Variants in ADAMTS6 observed in about 807,000 individuals in gnomAD.
The protein encoded by ADAMTS6 is A disintegrin and metalloproteinase with thrombospondin motifs 6.
A neutral mutation model predicts 144.3 loss-of-function variants in ADAMTS6; 23 were observed. That is an observed-to-expected ratio of 0.16 (90% CI 0.11 to 0.23). The LOEUF is 0.23. ADAMTS6 is among the 10% of genes least tolerant of loss of function. The pLI, the probability that ADAMTS6 is intolerant of heterozygous loss-of-function variation, is 1.00. For missense variants in ADAMTS6, 999 were observed against 1,379.6 expected (o/e 0.72, Z 4.37); for synonymous variants, 444 against 457.5 (o/e 0.97, Z 0.38).
chr5:65,285,417 T>C (rs558464738), intron 11 of ADAMTS6, among the ~76,000 whole-genome samples: 1 of 152,232 alleles, frequency 6.6e-6, no homozygotes, highest in South Asian at 2.1e-4. Context: ...ATTTATTGAG[T>C]TCCCATATGC....
chr5:65,242,144 A>G lies in ADAMTS6; in HGVS notation c.1893T>C (p.Pro631=). The G allele has an allele frequency of 6.2e-7, 1 of 1,604,422 alleles. No homozygotes were observed. Among genetic ancestry groups the G allele is most frequent in the Non-Finnish European group, 8.5e-7 (1 of 1,173,788 alleles). ...TCCAGTTATAATACTTTCCTCGGAA[A>G]GGCATATTGTCAAAGTCTGCACACT... ...EKQCADFDNM[P]FRGKYYNWKP... is the part of the protein sequence containing the mutation. The change falls in exon 15 of 25, where the codon CCT becomes CCC. Residue 631 remains proline (P), a synonymous_variant. Coordinates refer to ENST00000381055, the MANE Select transcript of ADAMTS6 (RefSeq NM_197941.4).
chr5:65,189,490 G>A (rs1268090235), intron 21 of ADAMTS6, among the ~76,000 whole-genome samples: 2 of 152,152 alleles, frequency 1.3e-5, no homozygotes, highest in African/African-American at 4.8e-5. Context: ...AGAAAGCCTG[G>A]GTGGTGTGTG....
intron 7 of ADAMTS6, among the ~76,000 whole-genome samples, chr5:65,409,428 C>A (rs1473350596): frequency 1.3e-5 from 2 of 152,240 alleles, no homozygotes; most frequent in South Asian, 2.1e-4. Flanking sequence ...GACACATACA[C>A]CCTCCCAAGA....
chr5:65,193,720 T>G (rs1755154222), intron 21 of ADAMTS6, among the ~76,000 whole-genome samples: 1 of 152,164 alleles, frequency 6.6e-6, no homozygotes. Flanking sequence ...TATAAATTAT[T>G]TTCTTCTTTA....
At chr5:65,189,007 T>C (rs1297788881) in intron 21 of ADAMTS6, among the ~76,000 whole-genome samples, 1 of 152,198 alleles carries the variant, frequency 6.6e-6, no homozygotes, top group African/African-American at 2.4e-5. Flanking sequence ...ATGGGAGTCT[T>C]AAAACACCTT....
At chr5:65,232,381 G>A (rs1365224424) in intron 15 of ADAMTS6, among the ~76,000 whole-genome samples, 2 of 151,812 alleles carry the variant, frequency 1.3e-5, no homozygotes, top group Admixed American at 6.6e-5. Flanking sequence ...GAAATAGATA[G>A]AGAAAATAAA....
intron 20 of ADAMTS6, among the ~76,000 whole-genome samples, chr5:65,198,335 T>C (rs906242528): frequency 3.6e-4 from 54 of 152,004 alleles, no homozygotes; most frequent in Non-Finnish European, 1.8e-4. Flanking sequence ...CTTTTTTTTT[T>C]CCCAGTTGTT....
chr5:65,449,401 G>A (rs752977236), intron 7 of ADAMTS6, among the ~76,000 whole-genome samples: 1 of 152,146 alleles, frequency 6.6e-6, no homozygotes, highest in Non-Finnish European at 1.5e-5. Flanking sequence ...CGGATCACGA[G>A]GTCAGGAGAT....
intron 7 of ADAMTS6, among the ~76,000 whole-genome samples, chr5:65,397,949 G>A (rs1045259690): frequency 2.0e-5 from 3 of 150,556 alleles, no homozygotes; most frequent in Non-Finnish European, 4.4e-5. Context: ...TTATCTTGCT[G>A]TGATTGATTT....
intron 14 of ADAMTS6, among the ~76,000 whole-genome samples, chr5:65,253,192 A>T (rs1307838717): frequency 6.6e-6 from 1 of 152,148 alleles, no homozygotes; most frequent in Non-Finnish European, 1.5e-5. Flanking sequence ...GTACCCAGCC[A>T]ATTTTCTATT....
chr5:65,289,866 C>T (rs1336478880), intron 11 of ADAMTS6, among the ~76,000 whole-genome samples: 1 of 152,068 alleles, frequency 6.6e-6, no homozygotes, highest in African/African-American at 2.4e-5. Context: ...TTTCTAAGTT[C>T]ATTTGATCAT....
intron 24 of ADAMTS6, among the ~76,000 whole-genome samples, chr5:65,159,066 G>T (rs1228724248): frequency 6.6e-6 from 1 of 152,096 alleles, no homozygotes; most frequent in African/African-American, 2.4e-5. Context: ...TGAAATGTGG[G>T]AGTCATCCTG....
chr5:65,313,688 T>C (rs779672368), intron 9 of ADAMTS6, among the ~76,000 whole-genome samples: 1 of 152,110 alleles, frequency 6.6e-6, no homozygotes, highest in Non-Finnish European at 1.5e-5. Context: ...TAAAAAACTA[T>C]GGCACTATAT....
chr5:65,181,289 G>T (rs1322705540), intron 22 of ADAMTS6, among the ~76,000 whole-genome samples: 1 of 152,170 alleles, frequency 6.6e-6, no homozygotes, highest in Non-Finnish European at 1.5e-5. Context: ...CTTGTGTCGA[G>T]TCCATTTCTA....
intron 22 of ADAMTS6, among the ~76,000 whole-genome samples, chr5:65,175,246 CAAAG>C (rs1396966660): frequency 6.8e-6 from 1 of 147,836 alleles, no homozygotes; most frequent in Non-Finnish European, 1.5e-5. Flanking sequence ...GACAGAGAGA[CAAAG>C]AGGGAGTCAA....
At position 65,303,131 on chromosome 5, in the gene ADAMTS6, A is replaced by G. The variant is rs955329841; in HGVS notation, c.1224-3000T>C. On this transcript the variant is annotated intron_variant, in intron 9 of 24. Transcript: ENST00000381055. ...CATATCAGGTAGTTTCCAGTTCCTCACTTTTACCAGGTTTGCAGGAGCATA... is the reference window on the plus strand; with the variant it reads ...CATATCAGGTAGTTTCCAGTTCCTCGCTTTTACCAGGTTTGCAGGAGCATA... Among the ~76,000 whole-genome samples the G allele has an allele frequency of 2.6e-5, 4 of 152,302 alleles. No homozygotes were observed. The South Asian group carries it at 8.3e-4, about 32-fold the overall frequency.
At chr5:65,204,375 T>C (rs1755939679) in intron 20 of ADAMTS6, among the ~76,000 whole-genome samples, 1 of 152,152 alleles carries the variant, frequency 6.6e-6, no homozygotes, top group Non-Finnish European at 1.5e-5. Flanking sequence ...TGAGTTTATA[T>C]AGAAGAGATA....
At position 65,291,476 on chromosome 5, in the gene ADAMTS6, C is replaced by T. The variant is rs763091356; in HGVS notation, c.1371-6G>A. The T allele has an allele frequency of 3.1e-6, 5 of 1,602,192 alleles. No individual in the cohort carries two copies. On this transcript the variant is annotated splice_polypyrimidine_tract_variant and splice_region_variant and intron_variant, in intron 10 of 24. Transcript: ENST00000381055. ...GGCAAGTACCACGGCCTGAACTGTT[C>T]AACATAAAGGATCAAAGGAAATTAG...
intron 24 of ADAMTS6, among the ~76,000 whole-genome samples, chr5:65,162,710 A>G (rs1343083888): frequency 1.3e-5 from 2 of 152,046 alleles, no homozygotes; most frequent in African/African-American, 4.8e-5. Context: ...GACAGATAAT[A>G]TATATAAAGG....
Sources: allele counts gnomAD v4.1 joint callset (sites outside exome capture counted in the v4.1 genomes callset), GRCh38; gene constraint gnomAD v4.1.1; transcripts MANE v1.5; gene names NCBI Gene and HGNC (gene_info 2026-07-23, HGNC 2026-07-21).